The following FGF13 variants were observed in gnomAD, a reference collection of about 807,000 sequenced individuals.
The protein encoded by FGF13 is fibroblast growth factor 13.
In FGF13, 2 loss-of-function variants were observed where a neutral mutation model predicts 19.5. The ratio of observed to expected loss-of-function variants is 0.10; its 90% CI spans 0.04 to 0.32. The LOEUF (loss-of-function observed/expected upper bound fraction) is 0.32. Among genes scored for constraint, FGF13 ranks in the 10% least tolerant of loss-of-function variants. The probability of loss-of-function intolerance (pLI) is 1.00; values close to 1 mark genes in which losing one functional copy is unlikely to be tolerated. For synonymous variants in FGF13, 72 were observed against 76.9 expected (o/e 0.94, Z 0.33); for missense variants, 113 against 192.7 (o/e 0.59, Z 2.45).
chrX:139,003,222 C>T lies in FGF13; in HGVS notation c.-112-138572G>A, dbSNP rs777206697. ...TGGTCTCGCTGGCTCAGGAGTGAAG[C>T]TGCAGACCTTCGCGGTGAGTGTTAC... On this transcript the variant is annotated intron_variant, in intron 1 of 2. Transcript: ENST00000421460. Among the ~76,000 whole-genome samples the T allele has an allele frequency of 1.5e-4, 17 of 110,520 alleles. 1 individual carries two copies. In the South Asian group the frequency reaches 6.9e-3, roughly 45 times the overall value.
In FGF13 at chrX:138,746,577, G is replaced by A. The variant is rs767142444; in HGVS notation, c.218-37649C>T. 6.3e-5 allele frequency among the ~76,000 whole-genome samples: 7 copies of A among 111,669 alleles called. No homozygotes were observed. The East Asian group carries it at 8.5e-4, about 14-fold the overall frequency. On this transcript the variant is annotated intron_variant, in intron 3 of 6. Coordinates refer to the FGF13 transcript ENST00000436198. ...CCTCACCACCTCCCTAGATTCACCC[G>A]GAAGCAACAGAGAAAAGTAGTGAAA... is the stretch of plus-strand genomic sequence containing the variant.
intron 1 of FGF13, among the ~76,000 whole-genome samples, chrX:138,957,044 G>A (rs1342212930): frequency 9.0e-6 from 1 of 111,314 alleles, no homozygotes; most frequent in Admixed American, 9.6e-5. Flanking sequence ...TACACGTTAG[G>A]ACATTAGTAT....
At position 138,625,506 on chromosome X, in the gene FGF13, TATATA is replaced by T. The variant is rs1187175471; in HGVS notation, c.*7339_*7343del. The T allele has an allele frequency of 1.1e-5, 1 of 90,926 alleles. No homozygotes were observed. Among genetic ancestry groups the T allele is most frequent in the Non-Finnish European group, 2.0e-5 (1 of 50,021 alleles). The allele number at this position is 90,926 out of a possible 1,213,427, so 7.5% of individuals were successfully genotyped here. ...TATAATATATATATATACATATATA[TATATA>T]ATATAATATATATATATATCTTAGC... On this transcript the variant is annotated 3_prime_UTR_variant, in exon 5 of 5. Transcript: ENST00000315930.
intron 1 of FGF13, among the ~76,000 whole-genome samples, chrX:138,904,714 G>T (rs2091548716): frequency 9.0e-6 from 1 of 111,541 alleles, no homozygotes; most frequent in African/African-American, 3.3e-5. Flanking sequence ...ATTTTTAGAA[G>T]CCCTCTCAAA....
chrX:138,702,069 G>C (rs1413491616), intron 3 of FGF13, among the ~76,000 whole-genome samples: 1 of 111,654 alleles, frequency 9.0e-6, no homozygotes, highest in Non-Finnish European at 1.9e-5. Context: ...GATCATTCGA[G>C]ACCAGGAGTT....
intron 3 of FGF13, among the ~76,000 whole-genome samples, chrX:138,692,183 A>G (rs1195823504): frequency 8.9e-6 from 1 of 111,879 alleles, no homozygotes; most frequent in African/African-American, 3.2e-5. Context: ...CAGAAACAAT[A>G]TCATCAGTCT....
intron 1 of FGF13, among the ~76,000 whole-genome samples, chrX:139,162,333 C>T (rs758884836): frequency 8.9e-6 from 1 of 112,326 alleles, no homozygotes; most frequent in Admixed American, 9.5e-5. Flanking sequence ...GTTGGGAAAA[C>T]TGGCTAGCCA....
intron 1 of FGF13, among the ~76,000 whole-genome samples, chrX:139,080,485 T>C (rs2083363369): frequency 8.9e-6 from 1 of 111,964 alleles, no homozygotes; most frequent in African/African-American, 3.2e-5. Flanking sequence ...AAGAAGAGGT[T>C]TGTATACATC....
intron 1 of FGF13, among the ~76,000 whole-genome samples, chrX:138,945,670 G>A (rs1307295563): frequency 9.0e-6 from 1 of 110,665 alleles, no homozygotes; most frequent in Non-Finnish European, 1.9e-5. Flanking sequence ...AAAAAGAATA[G>A]GTACATGGAA....
chrX:138,934,743 A>G (rs746134805), intron 1 of FGF13, among the ~76,000 whole-genome samples: 1 of 112,052 alleles, frequency 8.9e-6, no homozygotes, highest in South Asian at 3.7e-4. Flanking sequence ...ATCCTATTCA[A>G]TTGATCCTCA....
chrX:139,173,545 G>C (rs762420227), intron 1 of FGF13, among the ~76,000 whole-genome samples: 11 of 109,988 alleles, frequency 1.0e-4, no homozygotes, highest in African/African-American at 3.0e-4. Flanking sequence ...AATGCTATCC[G>C]TCCCCTAGTC....
At chrX:139,147,489 C>T (rs1032331127) in intron 1 of FGF13, among the ~76,000 whole-genome samples, 4 of 112,048 alleles carry the variant, frequency 3.6e-5, no homozygotes, top group African/African-American at 9.7e-5. Flanking sequence ...GTAAGACCTT[C>T]AGACATAAAA....
intron 3 of FGF13, among the ~76,000 whole-genome samples, chrX:138,678,321 A>G (rs1410479547): frequency 9.0e-6 from 1 of 111,542 alleles, no homozygotes; most frequent in Non-Finnish European, 1.9e-5. Context: ...TACATATGTA[A>G]CTAACCTGCA....
chrX:139,026,294 T>G (rs1452673955), intron 1 of FGF13, among the ~76,000 whole-genome samples: 1 of 111,322 alleles, frequency 9.0e-6, no homozygotes, highest in Non-Finnish European at 1.9e-5. Flanking sequence ...CAGCATGAAA[T>G]AGAGGGCCTT....
intron 2 of FGF13, 57 bp from the exon 3 acceptor site, chrX:138,703,144 C>A (rs1192600108): frequency 2.2e-6 from 2 of 928,180 alleles, no homozygotes; most frequent in Non-Finnish European, 3.1e-6. Context: ...CAGAACTTTT[C>A]AATGTTTCCA....
chrX:139,152,195 A>G (rs1291688350), intron 1 of FGF13, among the ~76,000 whole-genome samples: 1 of 110,145 alleles, frequency 9.1e-6, no homozygotes, highest in Non-Finnish European at 1.9e-5. Context: ...AGAGCAAACC[A>G]TAGCTCAAAT....
At chrX:139,007,647 TGTG>T (rs1293423829) in intron 1 of FGF13, among the ~76,000 whole-genome samples, 1 of 112,237 alleles carries the variant, frequency 8.9e-6, no homozygotes, top group Non-Finnish European at 1.9e-5. Context: ...TATCAAGCAT[TGTG>T]GTGGTCTATA....
At chrX:139,134,533 C>T (rs1321165118) in intron 1 of FGF13, among the ~76,000 whole-genome samples, 2 of 111,233 alleles carry the variant, frequency 1.8e-5, no homozygotes, top group Non-Finnish European at 3.8e-5. Context: ...CATCACCTTG[C>T]ATCATGGTTT....
intron 1 of FGF13, among the ~76,000 whole-genome samples, chrX:138,896,222 C>T (rs903504184): frequency 1.8e-5 from 2 of 109,837 alleles, no homozygotes; most frequent in Non-Finnish European, 3.8e-5. Context: ...AATCATTCCA[C>T]AATTTGTGTG....
Sources: gnomAD v4.1 joint callset for allele counts (sites outside exome capture counted in the v4.1 genomes callset) on GRCh38, gnomAD v4.1.1 for gene constraint, MANE v1.5 for transcripts, NCBI Gene and HGNC (gene_info 2026-07-23, HGNC 2026-07-21) for gene names.